PKD1L1: variants seen among roughly 807,000 people sequenced by gnomAD.
The protein encoded by PKD1L1 is polycystin 1 like 1, transient receptor potential channel interacting, also known as polycystin-1-like protein 1.
In PKD1L1, 236 loss-of-function variants were observed where a neutral mutation model predicts 323.4. The ratio of observed to expected loss-of-function variants is 0.73; its 90% confidence interval spans 0.66 to 0.81. PKD1L1 has a LOEUF of 0.81. PKD1L1 is among the 40% of genes least tolerant of loss of function. PKD1L1 has a pLI of 0.00. For missense variants in PKD1L1, 3,320 were observed against 3,508.0 expected, an observed-to-expected ratio of 0.95 and a Z score of 1.35; for synonymous variants, 1,344 against 1,335.0, an observed-to-expected ratio of 1.01 and a Z score of -0.15.
intron 47 of PKD1L1, among the ~76,000 whole-genome samples, chr7:47,814,472 C>T (rs986690823): frequency 6.6e-6 from 1 of 152,166 alleles, no homozygotes; most frequent in Admixed American, 6.5e-5. Context: ...CTCCACCCAC[C>T]GGGTTCAAGC....
At position 47,931,262 on chromosome 7, in the gene PKD1L1, A is replaced by G; in HGVS notation, c.579T>C (p.Cys193=). ...PCSLKMEASC[C]VLRLLCCAED... ...CCGCACAGCACAGCAGTCTCAGGAC[A>G]CAGCAGGAAGCCTCCATCTTCAGGC... The change falls in exon 6 of 57, where the codon TGT becomes TGC. Residue 193 remains cysteine (C), a synonymous_variant. Transcript: ENST00000289672. 6.2e-7 allele frequency: 1 copy of G among 1,614,252 alleles called. No individual in the cohort carries two copies. The highest frequency in any genetic ancestry group is 1.1e-5 in the South Asian group (1 of 91,090).
At chr7:47,948,194 G>C (rs1788140158) in intron 1 of PKD1L1, among the ~76,000 whole-genome samples, 2 of 152,142 alleles carry the variant, frequency 1.3e-5, no homozygotes. Context: ...CTTCTCAAAA[G>C]CCTTCAGGAA....
In PKD1L1 at chr7:47,882,892, G is replaced by A. The variant is rs115474532; in HGVS notation, c.3266-807C>T. On this transcript the variant is annotated intron_variant, in intron 19 of 56. Coordinates refer to ENST00000289672, the MANE Select transcript of PKD1L1 (RefSeq NM_138295.5). The stretch of plus-strand genomic sequence containing the variant: ...ATGAGATGACTGCAGGCAGCAAGAA[G>A]AGAAGCAGCGAGGGCAAAGGAAGGG... Among the ~76,000 whole-genome samples, 345 of 152,252 alleles carry A rather than the reference G, an allele frequency of 2.3e-3. 3 individuals carry two copies. The highest frequency in any genetic ancestry group is 7.7e-3 in the African/African-American group (318 of 41,552).
At chr7:47,813,801 C>G in intron 48 of PKD1L1, 130 bp downstream of exon 48, 1 of 777,816 alleles carries the variant, frequency 1.3e-6, no homozygotes, top group Non-Finnish European at 2.1e-6. Flanking sequence ...CCAGCCCCGG[C>G]ACTGACAATT....
chr7:47,902,206 C>G (rs576776048), intron 13 of PKD1L1, among the ~76,000 whole-genome samples, 173 bp downstream of exon 13: 2 of 152,298 alleles, frequency 1.3e-5, no homozygotes, highest in Admixed American at 1.3e-4. Context: ...CCCTGAGGAC[C>G]CAGGTCACCC....
At chr7:47,818,942 T>C (rs2128731771) in intron 46 of PKD1L1, among the ~76,000 whole-genome samples, 1 of 152,280 alleles carries the variant, frequency 6.6e-6, no homozygotes, top group South Asian at 2.1e-4. Flanking sequence ...CCTTTATAGA[T>C]GAAGATGCTA....
At chr7:47,924,374 T>A (rs1350452398) in intron 7 of PKD1L1, among the ~76,000 whole-genome samples, 2 of 152,226 alleles carry the variant, frequency 1.3e-5, no homozygotes, top group Admixed American at 1.3e-4. Context: ...TAGAACTAGA[T>A]GGTGTCTCTT....
Position 47,829,992 on chromosome 7 carries a change from G to A in PKD1L1, c.6558+48C>T. 2.0e-6 allele frequency: 3 copies of A among 1,527,866 alleles called. No homozygotes were observed. In the South Asian group the frequency reaches 3.4e-5, roughly 17 times the overall value. 94.6% of individuals were successfully genotyped at this position (1,527,866 alleles called of 1,614,324 possible). A position where few individuals can be genotyped will look rare whatever the true frequency, so the allele number is the denominator to read the frequency against. On this transcript the variant is annotated intron_variant, in intron 43 of 56. Transcript: ENST00000289672. ...AGCCTCTATTTCCCCTTCCCATCTA[G>A]GTCCCCTGCTGATGGAAGGCACTTC...
At chr7:47,781,649 T>G (rs1310850525) in intron 56 of PKD1L1, among the ~76,000 whole-genome samples, 1 of 152,000 alleles carries the variant, frequency 6.6e-6, no homozygotes, top group Non-Finnish European at 1.5e-5. Flanking sequence ...GACGTAGTGA[T>G]CCGCCCGCCT....
chr7:47,789,554 G>C (rs1195869624), intron 56 of PKD1L1, among the ~76,000 whole-genome samples: 1 of 151,990 alleles, frequency 6.6e-6, no homozygotes, highest in East Asian at 1.9e-4. Context: ...GTTTTGCTTA[G>C]TGTGTGTGTC....
intron 31 of PKD1L1, among the ~76,000 whole-genome samples, chr7:47,852,645 C>T (rs1050678723): frequency 5.3e-5 from 8 of 152,110 alleles, no homozygotes; most frequent in African/African-American, 1.9e-4. Flanking sequence ...AGGGGCAGAC[C>T]ACGGAGAAGG....
At chr7:47,815,529 T>A in intron 46 of PKD1L1, 72 bp from the exon 47 acceptor site, 3 of 1,522,160 alleles carry the variant, frequency 2.0e-6, no homozygotes, top group Non-Finnish European at 2.7e-6. Context: ...AACAAAAGCA[T>A]GTTTTCTTGC....
In PKD1L1 at chr7:47,890,398, T is replaced by G; in HGVS notation, c.2675+144A>C. 5.0e-6 allele frequency: 4 copies of G among 796,552 alleles called. No individual in the cohort carries two copies. The South Asian group carries it at 5.1e-5, about 10-fold the overall frequency. The allele number at this position is 796,552 out of a possible 1,614,324, so 49.3% of individuals were successfully genotyped here. A position where few individuals can be genotyped will look rare whatever the true frequency, so the allele number is the denominator to read the frequency against. The stretch of plus-strand genomic sequence containing the variant: ...TTCCCCAGCCGCTTTCTGAACAGTC[T>G]TCTCCTCCTCCTTTGCAGTGAGAAT... On this transcript the variant is annotated intron_variant, in intron 16 of 56. Coordinates refer to ENST00000289672, the MANE Select transcript of PKD1L1 (RefSeq NM_138295.5).
chr7:47,878,600 G>C (rs1786459719), intron 21 of PKD1L1, among the ~76,000 whole-genome samples: 1 of 152,154 alleles, frequency 6.6e-6, no homozygotes, highest in Non-Finnish European at 1.5e-5. Context: ...CAGGAGAAAA[G>C]GATGATGAAT....
At chr7:47,896,715 C>T (rs1002039515) in intron 14 of PKD1L1, among the ~76,000 whole-genome samples, 2 of 152,092 alleles carry the variant, frequency 1.3e-5, no homozygotes, top group Non-Finnish European at 2.9e-5. Context: ...CCTCACCCTC[C>T]TCCACTCGTT....
chr7:47,848,035 G>A (rs1333103982), intron 31 of PKD1L1, among the ~76,000 whole-genome samples: 1 of 152,144 alleles, frequency 6.6e-6, no homozygotes, highest in East Asian at 1.9e-4. Context: ...CATATAAAAT[G>A]CATATTAAAA....
rs112493981 is a variant in PKD1L1 at position 47,844,947 on chromosome 7, T to C, written c.5237+48A>G. The C allele has an allele frequency of 9.2e-5, 140 of 1,514,418 alleles. 1 individual carries two copies. In the African/African-American group the frequency reaches 1.6e-3, roughly 17 times the overall value. The allele number at this position is 1,514,418 out of a possible 1,614,324, so 93.8% of individuals were successfully genotyped here. A position where few individuals can be genotyped will look rare whatever the true frequency, so the allele number is the denominator to read the frequency against. On this transcript the variant is annotated intron_variant, in intron 33 of 56. Coordinates refer to ENST00000289672, the MANE Select transcript of PKD1L1 (RefSeq NM_138295.5). ...ATATGTGGGCATCCTGAGTGAACAG[T>C]AAAACAAATAAAGTCTATGAAGTCT...
chr7:47,837,204 C>T, intron 36 of PKD1L1, 110 bp from the exon 37 acceptor site: 1 of 1,251,842 alleles, frequency 8.0e-7, no homozygotes, highest in African/African-American at 1.5e-5. Flanking sequence ...CTTTCTGGTT[C>T]TTCCATCCTA....
chr7:47,875,643 G>A (rs1292700079), intron 23 of PKD1L1, among the ~76,000 whole-genome samples: 1 of 152,152 alleles, frequency 6.6e-6, no homozygotes, highest in African/African-American at 2.4e-5. Flanking sequence ...GCAGAAAGTT[G>A]TAAACACTGT....
Sources: allele counts gnomAD v4.1 joint callset (sites outside exome capture counted in the v4.1 genomes callset), GRCh38; gene constraint gnomAD v4.1.1; transcripts MANE v1.5; gene names NCBI Gene and HGNC (gene_info 2026-07-23, HGNC 2026-07-21).